SCN11A: variants seen among roughly 807,000 people sequenced by gnomAD.
SCN11A encodes the protein sodium channel protein type 11 subunit alpha.
A neutral mutation model predicts 162.2 loss-of-function variants in SCN11A; 122 were observed. The observed-to-expected ratio is 0.75, with a 90% confidence interval of 0.65 to 0.87. The LOEUF (loss-of-function observed/expected upper bound fraction) is 0.87. Among genes scored for constraint, SCN11A ranks in the 40% least tolerant of loss-of-function variants. The pLI is 0.00. For synonymous variants in SCN11A, 758 were observed against 751.5 expected (o/e 1.01, Z -0.14); for missense variants, 2,015 against 2,181.6 (o/e 0.92, Z 1.52).
intron 4 of SCN11A, among the ~76,000 whole-genome samples, chr3:38,951,525 TGAG>T (rs1332446455): frequency 6.6e-6 from 1 of 152,204 alleles, no homozygotes; most frequent in Non-Finnish European, 1.5e-5. Context: ...GCCCAAGGGC[TGAG>T]GAGTGCGAGC....
chr3:38,980,347 A>AT (rs1188685381), intron 2 of SCN11A, among the ~76,000 whole-genome samples: 22 of 152,232 alleles, frequency 1.4e-4, no homozygotes, highest in Admixed American at 4.6e-4. Context: ...AACAAGGGGA[A>AT]TCACCTCCAG....
intron 27 of SCN11A, among the ~76,000 whole-genome samples, chr3:38,866,206 C>CTT (rs35620716): frequency 2.1e-5 from 3 of 143,576 alleles, no homozygotes; most frequent in Non-Finnish European, 3.1e-5. Flanking sequence ...CTGAGAATTC[C>CTT]TTTTTTTTTT....
chr3:38,898,590 T>A (rs1037429135), intron 17 of SCN11A, among the ~76,000 whole-genome samples: 15 of 152,256 alleles, frequency 9.9e-5, no homozygotes, highest in African/African-American at 3.4e-4. Context: ...TCAAGACTTG[T>A]ATACTTTTTC....
chr3:38,886,741 GT>G (rs11291191), intron 19 of SCN11A, among the ~76,000 whole-genome samples: 16,306 of 152,018 alleles, frequency 0.11, 1,552 homozygotes, highest in African/African-American at 0.26. Flanking sequence ...GGTACAGAGA[GT>G]TTCCTTAGCA....
At chr3:38,996,115 C>T (rs1317135831) in intron 2 of SCN11A, among the ~76,000 whole-genome samples, 3 of 152,138 alleles carry the variant, frequency 2.0e-5, no homozygotes, top group African/African-American at 7.2e-5. Context: ...AATTGTATGG[C>T]AACTTGATCT....
At chr3:38,938,550 ATTTTTTTTTTTTTTT>A (rs71085342) in intron 7 of SCN11A, among the ~76,000 whole-genome samples, 338 of 14,536 alleles carry the variant, frequency 0.023, 8 homozygotes, top group African/African-American at 0.077. Flanking sequence ...ATATATATAT[ATTTTTTTTTTTTTTT>A]TTTTTTTTTT....
Position 39,040,032 on chromosome 3 carries a change from A to C in SCN11A, c.-403-7529T>G, listed in dbSNP as rs375417592. Among the ~76,000 whole-genome samples the C allele has an allele frequency of 4.4e-4, 67 of 152,282 alleles. No homozygotes were observed. The South Asian group carries it at 0.014, about 32-fold the overall frequency. Reference sequence around the variant, plus strand: ...AGAGACATCACGTGCTGTGTTCCTCAGGGCTGGTGCCCACCTGGTGCCCAC... The same window carrying C: ...AGAGACATCACGTGCTGTGTTCCTCCGGGCTGGTGCCCACCTGGTGCCCAC... On this transcript the variant is annotated intron_variant, in intron 1 of 29. Coordinates refer to ENST00000302328, the MANE Select transcript of SCN11A (RefSeq NM_001349253.2).
At chr3:38,861,628 C>T (rs2064965704) in intron 28 of SCN11A, among the ~76,000 whole-genome samples, 1 of 151,898 alleles carries the variant, frequency 6.6e-6, no homozygotes. Context: ...AGCAAACAAA[C>T]ATAAACTGGG....
At chr3:38,961,258 T>A (rs961205239) in intron 2 of SCN11A, among the ~76,000 whole-genome samples, 8 of 152,248 alleles carry the variant, frequency 5.3e-5, no homozygotes, top group African/African-American at 1.9e-4. Flanking sequence ...TTCCTGAGCC[T>A]TAGTTTTCTC....
intron 11 of SCN11A, among the ~76,000 whole-genome samples, chr3:38,912,839 A>G (rs1332860050): frequency 1.3e-5 from 2 of 152,184 alleles, no homozygotes; most frequent in African/African-American, 4.8e-5. Context: ...ATAGTATTCC[A>G]TCATGTATGT....
rs146822068 is a variant in SCN11A, at chr3:38,846,777, C to A, written c.5293G>T (p.Gly1765Trp). The change falls in exon 30 of 30, where the codon GGG becomes TGG. Residue 1765 changes from glycine (G) to tryptophan (W), a missense_variant. Physicochemically the swap from Gly to Trp is radical, Grantham distance 184. Transcript: ENST00000302328. ...DQGDQNDLENGPHSPLQTLCN... is the reference protein window; with the variant it reads ...DQGDQNDLENWPHSPLQTLCN... Reference sequence around the variant, plus strand: ...AGAGTCTGGAGTGGTGAATGAGGCCCGTTTTCCAAGTCATTTTGGTCACCT... The same window carrying A: ...AGAGTCTGGAGTGGTGAATGAGGCCAGTTTTCCAAGTCATTTTGGTCACCT... 2 of 1,614,032 alleles carry A rather than the reference C, an allele frequency of 1.2e-6. No homozygotes were observed. Among genetic ancestry groups the A allele is most frequent in the Middle Eastern group, 1.6e-4 (1 of 6,062 alleles).
In SCN11A at chr3:38,921,235, C is replaced by A. The variant is rs1553640860; in HGVS notation, c.733G>T (p.Ala245Ser). 1.9e-6 allele frequency: 3 copies of A among 1,613,896 alleles called. No homozygotes were observed. The highest frequency in any genetic ancestry group is 2.5e-6 in the Non-Finnish European group (3 of 1,179,878). Residue 245 changes from alanine to serine, a missense_variant, in exon 10 of 30, where the codon GCC becomes TCC. Physicochemically the swap from Ala to Ser is moderately conservative, Grantham distance 99 (BLOSUM62 1). Transcript: ENST00000302328. ...VVSRLKVIVG[A>S]LLRSVKKLVN... is the part of the protein sequence containing the mutation. ...AGCTTCTTCACAGAGCGTAGCAAGG[C>A]CCCCACGATGACCTTCAGACCTGAG...
At chr3:38,996,094 A>C (rs1439766057) in intron 2 of SCN11A, among the ~76,000 whole-genome samples, 1 of 152,158 alleles carries the variant, frequency 6.6e-6, no homozygotes, top group African/African-American at 2.4e-5. Context: ...GAGGGCCCTC[A>C]CCAGGAATTT....
intron 27 of SCN11A, among the ~76,000 whole-genome samples, chr3:38,866,163 T>C (rs886126815): frequency 1.3e-5 from 2 of 152,010 alleles, no homozygotes; most frequent in African/African-American, 4.8e-5. Context: ...GGATAAATTA[T>C]GGTCTATCCA....
At chr3:38,993,664 C>G (rs753056462) in intron 2 of SCN11A, among the ~76,000 whole-genome samples, 54 of 152,314 alleles carry the variant, frequency 3.5e-4, no homozygotes, top group Non-Finnish European at 7.5e-4. Context: ...AAGAAAGAAA[C>G]ACCCAAGCAG....
rs1553644472 is a variant in SCN11A at position 38,950,078 on chromosome 3, C to CCCCCCCCCCCCCCCCCCCCCCCCCCCCCG, written c.267+17_267+18insCGGGGGGGGGGGGGGGGGGGGGGGGGGGG. On this transcript the variant is annotated intron_variant, in intron 5 of 29. Coordinates refer to ENST00000302328, the MANE Select transcript of SCN11A (RefSeq NM_001349253.2). ...GAACACCCCCACCCCCACCCCCCCCCCCCGCCCAATGAAGTACCTTATGAT... is the reference window on the plus strand; with the variant it reads ...GAACACCCCCACCCCCACCCCCCCCCCCCCCCCCCCCCCCCCCCCCCCCCCCCCGCCCGCCCAATGAAGTACCTTATGAT... The CCCCCCCCCCCCCCCCCCCCCCCCCCCCCG allele has an allele frequency of 7.1e-6, 1 of 139,974 alleles. No individual in the cohort carries two copies. The highest frequency in any genetic ancestry group is 1.5e-5 in the Non-Finnish European group (1 of 65,382). The allele number at this position is 139,974 out of a possible 1,614,324, so 8.7% of individuals were successfully genotyped here. A position where few individuals can be genotyped will look rare whatever the true frequency, so the allele number is the denominator to read the frequency against.
chr3:38,950,315 G>C lies in SCN11A; in HGVS notation c.48C>G (p.Phe16Leu). The part of the protein sequence containing the change: ...YPVIFPDERN[F>L]RPFTSDSLAA... Reference sequence around the variant, plus strand: ...CCAGAGAGTCGGAAGTGAAGGGGCGGAAATTCCGCTCATCTGGAAAGATTA... The same window carrying C: ...CCAGAGAGTCGGAAGTGAAGGGGCGCAAATTCCGCTCATCTGGAAAGATTA... Residue 16 changes from phenylalanine (F) to leucine (L), a missense_variant, in exon 5 of 30, where the codon TTC becomes TTG. Coordinates refer to ENST00000302328, the MANE Select transcript of SCN11A (RefSeq NM_001349253.2). 1 of 1,613,994 alleles carries C rather than the reference G, an allele frequency of 6.2e-7. No individual in the cohort carries two copies. Among genetic ancestry groups the C allele is most frequent in the Non-Finnish European group, 8.5e-7 (1 of 1,180,002 alleles).
Position 38,850,691 on chromosome 3 carries a change from T to G in SCN11A, c.4117A>C (p.Ile1373Leu), listed in dbSNP as rs199558321. 1 of 1,613,382 alleles carries G rather than the reference T, an allele frequency of 6.2e-7. No individual in the cohort carries two copies. Among genetic ancestry groups the G allele is most frequent in the South Asian group, 1.1e-5 (1 of 91,036 alleles). ...ATCATGTTTAGGATAATGAGACTTA[T>G]GATGATGATGTCAAAGATCTGGCTT... ...VTSQIFDIIIISLIILNMISM... is the reference protein window; with the variant it reads ...VTSQIFDIIILSLIILNMISM... Residue 1373 changes from isoleucine to leucine, a missense_variant, in exon 29 of 30, where the codon ATA (isoleucine) becomes CTA (leucine). Coordinates refer to ENST00000302328, the MANE Select transcript of SCN11A (RefSeq NM_001349253.2).
chr3:39,002,489 A>G (rs1403175231), intron 2 of SCN11A, among the ~76,000 whole-genome samples: 1 of 152,234 alleles, frequency 6.6e-6, no homozygotes, highest in Non-Finnish European at 1.5e-5. Context: ...CTAAGAAGGG[A>G]TTTGTATTTC....
Sources: gnomAD v4.1 joint callset for allele counts (sites outside exome capture counted in the v4.1 genomes callset) on GRCh38, gnomAD v4.1.1 for gene constraint, MANE v1.5 for transcripts, NCBI Gene and HGNC (gene_info 2026-07-23, HGNC 2026-07-21) for gene names.